Variants in SEMA6D observed in about 807,000 individuals in gnomAD.
The protein encoded by SEMA6D is semaphorin 6D.
Under a neutral mutation model 106.6 loss-of-function variants are expected in SEMA6D, and 35 were observed. The ratio of observed to expected loss-of-function variants is 0.33; its 90% CI spans 0.25 to 0.44. SEMA6D has a LOEUF of 0.44. Ranked by LOEUF, SEMA6D falls within the 20% of genes least tolerant of loss-of-function variation. The probability of loss-of-function intolerance (pLI) is 1.00; values close to 1 mark genes in which losing one functional copy is unlikely to be tolerated. For missense variants in SEMA6D, 1,185 were observed against 1,345.9 expected, an observed-to-expected ratio of 0.88 and a Z score of 1.87; for synonymous variants, 499 against 487.7, an observed-to-expected ratio of 1.02 and a Z score of -0.31.
At chr15:47,426,954 G>A (rs1040544629) in intron 2 of SEMA6D, among the ~76,000 whole-genome samples, 1 of 152,064 alleles carries the variant, frequency 6.6e-6, no homozygotes, top group Admixed American at 6.6e-5. Flanking sequence ...AGTTTAAATG[G>A]TAGAAATCAC....
intron 3 of SEMA6D, among the ~76,000 whole-genome samples, chr15:47,503,093 A>C (rs935408922): frequency 1.3e-5 from 2 of 152,244 alleles, no homozygotes; most frequent in Non-Finnish European, 2.9e-5. Context: ...AATACAATAC[A>C]AAAATCTGTC....
At chr15:47,313,455 T>C (rs190800740) in intron 1 of SEMA6D, among the ~76,000 whole-genome samples, 2 of 152,356 alleles carry the variant, frequency 1.3e-5, no homozygotes, top group Middle Eastern at 3.4e-3. Context: ...TGATAGCTAT[T>C]TTTTAGTGCT....
intron 3 of SEMA6D, among the ~76,000 whole-genome samples, chr15:47,542,049 A>G (rs1418494698): frequency 6.6e-6 from 1 of 152,230 alleles, no homozygotes; most frequent in Admixed American, 6.5e-5. Flanking sequence ...AACAAGAAAC[A>G]TGAAGACATT....
rs1359834114 is a variant in SEMA6D at position 47,773,964 on chromosome 15, A to G, written c.*2179A>G. The G allele has an allele frequency of 1.3e-5, 2 of 152,650 alleles. No individual in the cohort carries two copies. Among genetic ancestry groups the G allele is most frequent in the African/African-American group, 2.4e-5 (1 of 41,458 alleles). The allele number at this position is 152,650 out of a possible 1,614,324, so 9.5% of individuals were successfully genotyped here. ...AATCAGTATTTATGTTGAAATTTCT[A>G]ACATTAAATCTAGTCTCTATCCTGT... On this transcript the variant is annotated 3_prime_UTR_variant, in exon 19 of 19. Transcript: ENST00000536845.
At chr15:47,644,402 C>G (rs567099344) in intron 4 of SEMA6D, among the ~76,000 whole-genome samples, 1 of 152,322 alleles carries the variant, frequency 6.6e-6, no homozygotes, top group Admixed American at 6.5e-5. Flanking sequence ...CTCAACTATG[C>G]ATTTTGAAGC....
intron 3 of SEMA6D, among the ~76,000 whole-genome samples, chr15:47,489,214 C>T (rs570678567): frequency 1.2e-4 from 19 of 152,196 alleles, no homozygotes; most frequent in African/African-American, 4.1e-4. Context: ...CACTTGGAGC[C>T]GCCAGAAGCT....
chr15:47,195,684 G>C (rs2141003986), intron 1 of SEMA6D, among the ~76,000 whole-genome samples: 1 of 152,110 alleles, frequency 6.6e-6, no homozygotes, highest in Non-Finnish European at 1.5e-5. Context: ...GACCAATTTA[G>C]GTATCTCTTC....
chr15:47,312,465 A>C (rs750406702), intron 1 of SEMA6D, among the ~76,000 whole-genome samples: 13 of 152,286 alleles, frequency 8.5e-5, no homozygotes, highest in Non-Finnish European at 1.9e-4. Context: ...CAAAATGATA[A>C]TTAGTCATGT....
At position 47,424,419 on chromosome 15, in the gene SEMA6D, A is replaced by G. The variant is rs529793818; in HGVS notation, c.-159+11947A>G. On this transcript the variant is annotated intron_variant, in intron 2 of 19. Transcript: ENST00000558014. ...TTTCAATTGCTTCTATAGATCAGTT[A>G]TGATGAAATAAAACAGATTTTAATG... 2.0e-5 allele frequency among the ~76,000 whole-genome samples: 3 copies of G among 152,262 alleles called. No homozygotes were observed. The East Asian group carries it at 5.8e-4, about 29-fold the overall frequency.
intron 3 of SEMA6D, among the ~76,000 whole-genome samples, chr15:47,480,607 C>G (rs530102277): frequency 1.3e-5 from 2 of 152,222 alleles, no homozygotes; most frequent in African/African-American, 4.8e-5. Context: ...AGATCTACCT[C>G]ACATGTCACA....
intron 4 of SEMA6D, among the ~76,000 whole-genome samples, chr15:47,610,259 A>G (rs982728858): frequency 3.9e-5 from 6 of 152,198 alleles, no homozygotes; most frequent in Non-Finnish European, 7.3e-5. Flanking sequence ...TATAAGCAAG[A>G]TTATCCCCAC....
At chr15:47,308,898 ATTTTC>A (rs1055006047) in intron 1 of SEMA6D, among the ~76,000 whole-genome samples, 34 of 152,140 alleles carry the variant, frequency 2.2e-4, no homozygotes, top group African/African-American at 8.0e-4. Flanking sequence ...GAACATTTTT[ATTTTC>A]TTTTCTGTCA....
chr15:47,684,697 T>C (rs577083376), intron 4 of SEMA6D, among the ~76,000 whole-genome samples: 1 of 152,350 alleles, frequency 6.6e-6, no homozygotes, highest in Non-Finnish European at 1.5e-5. Context: ...AATTTCAAGT[T>C]AAATACTTAG....
chr15:47,412,386 T>C (rs1233988814), intron 1 of SEMA6D: 1 of 152,576 alleles, frequency 6.6e-6, no homozygotes, highest in African/African-American at 2.4e-5. Flanking sequence ...CCTTTGACTT[T>C]TGGCAGGATC....
At chr15:47,243,863 G>T (rs560667037) in intron 1 of SEMA6D, among the ~76,000 whole-genome samples, 4 of 152,228 alleles carry the variant, frequency 2.6e-5, no homozygotes, top group African/African-American at 9.6e-5. Context: ...GAAAATGATT[G>T]TTGAGCACCT....
chr15:47,605,837 C>A (rs1400427247), intron 4 of SEMA6D, among the ~76,000 whole-genome samples: 2 of 152,212 alleles, frequency 1.3e-5, no homozygotes, highest in African/African-American at 2.4e-5. Flanking sequence ...TGTTCACCAA[C>A]CCAGAAGCTC....
In SEMA6D at chr15:47,699,505, C is replaced by A. The variant is rs182969054; in HGVS notation, c.-54-60240C>A. ...ACATCAAATCACCTCTGAAAAAGAC[C>A]TTAGACATTTGTTGTTCTGTTTAAT... On this transcript the variant is annotated intron_variant, in intron 4 of 19. Coordinates refer to the SEMA6D transcript ENST00000558014. 2.6e-5 allele frequency among the ~76,000 whole-genome samples: 4 copies of A among 152,226 alleles called. No individual in the cohort carries two copies. The East Asian group carries it at 7.7e-4, about 29-fold the overall frequency.
At chr15:47,554,117 C>T (rs191817507) in intron 3 of SEMA6D, among the ~76,000 whole-genome samples, 263 of 152,336 alleles carry the variant, frequency 1.7e-3, no homozygotes, top group South Asian at 3.1e-3. Flanking sequence ...AATGTCACCA[C>T]ACTCTCTGAT....
chr15:47,586,671 C>G (rs781752672), intron 3 of SEMA6D, among the ~76,000 whole-genome samples: 1 of 152,020 alleles, frequency 6.6e-6, no homozygotes, highest in Non-Finnish European at 1.5e-5. Flanking sequence ...ATGAGTAAAG[C>G]GCCCCCCATA....
Sources: gnomAD v4.1 joint callset for allele counts (sites outside exome capture counted in the v4.1 genomes callset) on GRCh38, gnomAD v4.1.1 for gene constraint, MANE v1.5 for transcripts, NCBI Gene and HGNC (gene_info 2026-07-23, HGNC 2026-07-21) for gene names.